The following TRPM3 variants were observed in gnomAD, a reference collection of about 807,000 sequenced individuals.
TRPM3 encodes transient receptor potential cation channel subfamily M member 3.
TRPM3 carries 77 observed loss-of-function variants against 181.2 expected under a neutral mutation model. The observed-to-expected ratio is 0.42, with a 90% CI of 0.35 to 0.51. TRPM3 has a LOEUF of 0.51. Ranked by LOEUF, TRPM3 falls within the 20% of genes least tolerant of loss-of-function variation. The pLI, the probability that TRPM3 is intolerant of heterozygous loss-of-function variation, is 0.01. For missense variants in TRPM3, 1,759 were observed against 2,196.7 expected, an observed-to-expected ratio of 0.80 and a Z score of 3.98; for synonymous variants, 745 against 796.4, an observed-to-expected ratio of 0.94 and a Z score of 1.09.
chr9:70,669,055 G>C lies in TRPM3; in HGVS notation c.1345+12451C>G, dbSNP rs533497119. Reference sequence around the variant, plus strand: ...TAAACACAATGAGCTCTGATTCTGTGCCAGTTCTGAGGCACGAGAAAGTCA... The same window carrying C: ...TAAACACAATGAGCTCTGATTCTGTCCCAGTTCTGAGGCACGAGAAAGTCA... On this transcript the variant is annotated intron_variant, in intron 9 of 25. Coordinates refer to ENST00000677713, the MANE Select transcript of TRPM3 (RefSeq NM_001366145.2). Among the ~76,000 whole-genome samples the C allele has an allele frequency of 3.2e-4, 49 of 152,284 alleles. 1 individual carries two copies. In the South Asian group the frequency reaches 9.9e-3, roughly 31 times the overall value.
intron 18 of TRPM3, among the ~76,000 whole-genome samples, chr9:70,613,633 G>A (rs1004085003): frequency 6.6e-6 from 1 of 152,200 alleles, no homozygotes; most frequent in African/African-American, 2.4e-5. Context: ...CCAGCCCTGA[G>A]TTTGCCAGGC....
chr9:71,180,199 T>A (rs985303291), intron 1 of TRPM3, among the ~76,000 whole-genome samples: 2 of 151,874 alleles, frequency 1.3e-5, no homozygotes, highest in Non-Finnish European at 2.9e-5. Flanking sequence ...GGATTACAGA[T>A]GTGCATCAGC....
At chr9:70,791,929 T>A (rs1211618836) in intron 6 of TRPM3, among the ~76,000 whole-genome samples, 1 of 152,206 alleles carries the variant, frequency 6.6e-6, no homozygotes, top group Non-Finnish European at 1.5e-5. Context: ...GGCCTTCTTT[T>A]GGGGCATTGC....
intron 1 of TRPM3, among the ~76,000 whole-genome samples, chr9:70,871,242 G>A (rs1006877200): frequency 6.6e-6 from 1 of 151,870 alleles, no homozygotes; most frequent in Non-Finnish European, 1.5e-5. Context: ...TAAATTGATT[G>A]TAGATAATAT....
chr9:70,876,152 T>C (rs946158704), intron 1 of TRPM3, among the ~76,000 whole-genome samples: 1 of 151,768 alleles, frequency 6.6e-6, no homozygotes, highest in African/African-American at 2.4e-5. Flanking sequence ...TGTTAATGTC[T>C]TTCCTTATGA....
rs1338961509 is a variant in TRPM3, at chr9:70,549,745, A to T, written c.3575-71T>A. On this transcript the variant is annotated intron_variant, in intron 24 of 25. Coordinates refer to ENST00000677713, the MANE Select transcript of TRPM3 (RefSeq NM_001366145.2). The stretch of plus-strand genomic sequence containing the variant: ...GCGATGGCATCTGATTTGTGGGCCT[A>T]GTGACATTCTCAGTATAAATCTAGG... The T allele has an allele frequency of 5.4e-6, 8 of 1,485,448 alleles. No individual in the cohort carries two copies. In the African/African-American group the frequency reaches 1.1e-4, roughly 21 times the overall value. The allele number at this position is 1,485,448 out of a possible 1,614,324, so 92.0% of individuals were successfully genotyped here.
At chr9:71,283,167 A>G (rs970781219) in intron 1 of TRPM3, among the ~76,000 whole-genome samples, 3 of 152,154 alleles carry the variant, frequency 2.0e-5, no homozygotes, top group Admixed American at 6.5e-5. Context: ...TTCCATTTCT[A>G]TAACTCTATT....
intron 1 of TRPM3, among the ~76,000 whole-genome samples, chr9:70,937,719 A>G (rs2096842425): frequency 6.6e-6 from 1 of 152,108 alleles, no homozygotes; most frequent in African/African-American, 2.4e-5. Flanking sequence ...AGAGAAGTGG[A>G]TGTTTAACTG....
intron 8 of TRPM3, among the ~76,000 whole-genome samples, chr9:70,752,811 T>C (rs2076415203): frequency 6.6e-6 from 1 of 152,138 alleles, no homozygotes; most frequent in Non-Finnish European, 1.5e-5. Flanking sequence ...TCTAGGTTTT[T>C]AGAATTACAC....
intron 1 of TRPM3, among the ~76,000 whole-genome samples, chr9:70,962,243 T>C (rs2133831209): frequency 6.6e-6 from 1 of 151,668 alleles, no homozygotes; most frequent in East Asian, 1.9e-4. Flanking sequence ...TAGGGGAGAG[T>C]GTCATAGACT....
chr9:70,739,634 C>T (rs2073566407), intron 8 of TRPM3, among the ~76,000 whole-genome samples: 1 of 151,926 alleles, frequency 6.6e-6, no homozygotes, highest in Non-Finnish European at 1.5e-5. Flanking sequence ...CTCTGTTGCC[C>T]AGGCTGGAGT....
In TRPM3 at chr9:71,430,644, T is replaced by C. The variant is rs375421954; in HGVS notation, c.183+16009A>G. 3.3e-5 allele frequency among the ~76,000 whole-genome samples: 5 copies of C among 152,084 alleles called. No individual in the cohort carries two copies. The East Asian group carries it at 5.8e-4, about 18-fold the overall frequency. On this transcript the variant is annotated intron_variant, in intron 1 of 24. Coordinates refer to the TRPM3 transcript ENST00000357533. Reference sequence around the variant, plus strand: ...CTGGCCAATATGGTGAAACCCCGTCTCTATTAAAAATACAAAAATTAGCTG... The same window carrying C: ...CTGGCCAATATGGTGAAACCCCGTCCCTATTAAAAATACAAAAATTAGCTG...
chr9:70,765,551 C>T (rs1457614057), intron 7 of TRPM3, among the ~76,000 whole-genome samples: 3 of 152,134 alleles, frequency 2.0e-5, no homozygotes, highest in South Asian at 2.1e-4. Context: ...GATCACGCAT[C>T]ACTGCACTCC....
At chr9:70,835,282 T>C (rs1010973936) in intron 5 of TRPM3, among the ~76,000 whole-genome samples, 2 of 150,338 alleles carry the variant, frequency 1.3e-5, no homozygotes, top group African/African-American at 2.5e-5. Context: ...TGCAAGAATA[T>C]ACTAATACAA....
chr9:71,058,751 C>T, intron 1 of TRPM3, among the ~76,000 whole-genome samples: 1 of 152,082 alleles, frequency 6.6e-6, no homozygotes, highest in South Asian at 2.1e-4. Flanking sequence ...ACCTAACATG[C>T]TATGTAAATA....
intron 1 of TRPM3, among the ~76,000 whole-genome samples, chr9:71,405,949 T>C (rs2093427874): frequency 1.3e-5 from 2 of 152,324 alleles, no homozygotes; most frequent in African/African-American, 4.8e-5. Flanking sequence ...AAGCTTTCCA[T>C]CATTTAATAT....
chr9:71,275,646 C>G (rs908832201), intron 1 of TRPM3, among the ~76,000 whole-genome samples: 3 of 152,056 alleles, frequency 2.0e-5, no homozygotes, highest in African/African-American at 7.3e-5. Flanking sequence ...TGGGACTTGA[C>G]TACCAGATAG....
At chr9:71,016,846 T>G (rs1319396953) in intron 1 of TRPM3, among the ~76,000 whole-genome samples, 1 of 152,198 alleles carries the variant, frequency 6.6e-6, no homozygotes, top group Non-Finnish European at 1.5e-5. Flanking sequence ...TACATCATTT[T>G]ATATTTCCAC....
intron 1 of TRPM3, among the ~76,000 whole-genome samples, chr9:71,440,824 G>T (rs532880139): frequency 6.6e-6 from 1 of 152,252 alleles, no homozygotes; most frequent in South Asian, 2.1e-4. Context: ...CTTTGCAAAT[G>T]AAAGAAATAA....
Sources: gnomAD v4.1 joint callset for allele counts (sites outside exome capture counted in the v4.1 genomes callset) on GRCh38, gnomAD v4.1.1 for gene constraint, MANE v1.5 for transcripts, NCBI Gene and HGNC (gene_info 2026-07-23, HGNC 2026-07-21) for gene names.